The following DLGAP2 variants were observed in gnomAD, a reference collection of about 807,000 sequenced individuals.
DLGAP2 encodes the protein DLG associated protein 2.
Under a neutral mutation model 100.3 loss-of-function variants are expected in DLGAP2, and 26 were observed. The observed-to-expected ratio is 0.26, with a 90% CI of 0.19 to 0.36. The LOEUF is 0.36. DLGAP2 is among the 10% of genes least tolerant of loss of function. DLGAP2 has a pLI of 1.00. For missense variants in DLGAP2, 1,858 were observed against 1,453.2 expected (o/e 1.28, Z -4.53); for synonymous variants, 886 against 630.1 (o/e 1.41, Z -6.08).
At chr8:907,258 T>A (rs1453695625) in intron 1 of DLGAP2, among the ~76,000 whole-genome samples, 1 of 152,186 alleles carries the variant, frequency 6.6e-6, no homozygotes, top group Non-Finnish European at 1.5e-5. Context: ...CTAATTGAGT[T>A]TAGAAAAATA....
intron 3 of DLGAP2, among the ~76,000 whole-genome samples, chr8:1,495,276 A>C (rs1195649759): frequency 2.6e-5 from 4 of 151,958 alleles, no homozygotes; most frequent in African/African-American, 9.7e-5. Flanking sequence ...AGCCAGTGCC[A>C]GCGTGCCAGG....
rs551689004 is a variant in DLGAP2, at chr8:1,061,153, G to A, written c.73+153187G>A. On this transcript the variant is annotated intron_variant, in intron 2 of 14. Coordinates refer to ENST00000637795, the MANE Select transcript of DLGAP2 (RefSeq NM_001346810.2). The stretch of plus-strand genomic sequence containing the variant: ...TCTCATCTGATTTGGTAGACCTGGC[G>A]CTGTCCTTTGCCAGCCAGCCTTGTT... 2.5e-4 allele frequency among the ~76,000 whole-genome samples: 38 copies of A among 152,312 alleles called. No homozygotes were observed. The South Asian group carries it at 3.3e-3, about 13-fold the overall frequency.
At chr8:1,443,334 C>A (rs1797892979) in intron 3 of DLGAP2, among the ~76,000 whole-genome samples, 1 of 152,174 alleles carries the variant, frequency 6.6e-6, no homozygotes, top group Non-Finnish European at 1.5e-5. Flanking sequence ...TTAATACTTC[C>A]AGCCTTCCCT....
At chr8:1,559,501 A>T (rs937790579) in intron 5 of DLGAP2, among the ~76,000 whole-genome samples, 1 of 152,204 alleles carries the variant, frequency 6.6e-6, no homozygotes. Flanking sequence ...ACTCTGGTTG[A>T]CATTCTTTCT....
At chr8:1,374,901 G>C (rs1198597265) in intron 3 of DLGAP2, among the ~76,000 whole-genome samples, 4 of 152,144 alleles carry the variant, frequency 2.6e-5, no homozygotes, top group African/African-American at 7.2e-5. Context: ...CCTGTTTCAC[G>C]AGTGGGATCC....
intron 2 of DLGAP2, among the ~76,000 whole-genome samples, chr8:1,199,718 C>T (rs879449931): frequency 1.3e-5 from 2 of 152,042 alleles, no homozygotes; most frequent in South Asian, 2.1e-4. Flanking sequence ...GGCTCTCACT[C>T]GGGCTGAATG....
chr8:1,405,302 A>T (rs1380370184), intron 3 of DLGAP2, among the ~76,000 whole-genome samples: 57 of 7,932 alleles, frequency 7.2e-3, no homozygotes, highest in African/African-American at 0.026. Context: ...CTTGTCCTCC[A>T]GAGTCGTGTA....
At chr8:934,534 G>A (rs572299770) in intron 2 of DLGAP2, among the ~76,000 whole-genome samples, 14 of 152,306 alleles carry the variant, frequency 9.2e-5, no homozygotes, top group African/African-American at 3.4e-4. Context: ...ACTTGGGGTG[G>A]CTCTGAGTCA....
chr8:1,345,243 C>A (rs1801528108), intron 3 of DLGAP2, among the ~76,000 whole-genome samples: 1 of 151,798 alleles, frequency 6.6e-6, no homozygotes, highest in Non-Finnish European at 1.5e-5. Flanking sequence ...AGGCTCAGTT[C>A]CTTCAGGGCA....
intron 4 of DLGAP2, among the ~76,000 whole-genome samples, chr8:1,523,874 C>A (rs117005424): frequency 6.9e-4 from 105 of 152,256 alleles, no homozygotes; most frequent in African/African-American, 2.5e-3. Context: ...ATTCAGTAAC[C>A]GCATAGAATT....
intron 2 of DLGAP2, among the ~76,000 whole-genome samples, chr8:1,086,516 C>T (rs1803979512): frequency 6.6e-6 from 1 of 152,080 alleles, no homozygotes; most frequent in African/African-American, 2.4e-5. Context: ...ATATGCTGCC[C>T]ACAAGAGGTT....
intron 4 of DLGAP2, among the ~76,000 whole-genome samples, chr8:1,536,116 G>C (rs1801146633): frequency 6.6e-6 from 1 of 152,210 alleles, no homozygotes; most frequent in African/African-American, 2.4e-5. Flanking sequence ...AGCACCTAGG[G>C]CAGGTGGGGG....
At chr8:871,018 T>C (rs1797586977) in intron 1 of DLGAP2, among the ~76,000 whole-genome samples, 1 of 152,178 alleles carries the variant, frequency 6.6e-6, no homozygotes, top group African/African-American at 2.4e-5. Context: ...TCAGAATAAA[T>C]AAAAGGGACT....
intron 3 of DLGAP2, among the ~76,000 whole-genome samples, chr8:1,437,783 C>G (rs1797690254): frequency 8.5e-6 from 1 of 118,112 alleles, no homozygotes; most frequent in Non-Finnish European, 1.6e-5. Flanking sequence ...GCCTGACCAA[C>G]ATTGTGAAAC....
intron 2 of DLGAP2, among the ~76,000 whole-genome samples, chr8:1,100,446 CT>C (rs1401018973): frequency 2.0e-5 from 3 of 151,778 alleles, no homozygotes; most frequent in African/African-American, 7.3e-5. Context: ...TAGGGAAAAC[CT>C]TTGTCCAGCA....
At chr8:777,304 A>T (rs1427308079) in intron 1 of DLGAP2, among the ~76,000 whole-genome samples, 2 of 151,204 alleles carry the variant, frequency 1.3e-5, no homozygotes, top group African/African-American at 2.4e-5. Flanking sequence ...CTCTTTATCC[A>T]ATTTGCCAGT....
intron 1 of DLGAP2, among the ~76,000 whole-genome samples, chr8:794,642 A>T (rs763923221): frequency 6.7e-6 from 1 of 149,194 alleles, no homozygotes; most frequent in South Asian, 2.2e-4. Flanking sequence ...CCTTGCCCGC[A>T]TTCCTGTAAA....
intron 1 of DLGAP2, chr8:753,862 G>C (rs893043609): frequency 6.6e-6 from 1 of 152,224 alleles, no homozygotes; most frequent in African/African-American, 2.4e-5. Context: ...GGCCGCCGTG[G>C]GGTCGGCCGT....
chr8:1,583,608 A>G (rs1042298869), intron 6 of DLGAP2, among the ~76,000 whole-genome samples: 1 of 152,154 alleles, frequency 6.6e-6, no homozygotes, highest in African/African-American at 2.4e-5. Context: ...CTTCAGAGCC[A>G]CTTCCTGTGT....
Sources: gnomAD v4.1 joint callset for allele counts (sites outside exome capture counted in the v4.1 genomes callset) on GRCh38, gnomAD v4.1.1 for gene constraint, MANE v1.5 for transcripts, NCBI Gene and HGNC (gene_info 2026-07-23, HGNC 2026-07-21) for gene names.